ZNF503: variants seen among roughly 807,000 people sequenced by gnomAD.
The protein encoded by ZNF503 is zinc finger protein 503, also known as NocA-like zinc finger 2.
Under a neutral mutation model 34.4 loss-of-function variants are expected in ZNF503, and 15 were observed. That is an observed-to-expected ratio of 0.44 (90% CI 0.29 to 0.67). The LOEUF (loss-of-function observed/expected upper bound fraction) is 0.67. Among genes scored for constraint, ZNF503 ranks in the 30% least tolerant of loss-of-function variants. The pLI, the probability that ZNF503 is intolerant of heterozygous loss-of-function variation, is 0.13. For synonymous variants in ZNF503, 580 were observed against 456.8 expected, an observed-to-expected ratio of 1.27 and a Z score of -3.44; for missense variants, 1,007 against 926.8, an observed-to-expected ratio of 1.09 and a Z score of -1.12.
the ZNF503 span, among the ~76,000 whole-genome samples, chr10:75,384,781 G>A: frequency 1.3e-5 from 2 of 152,182 alleles, no homozygotes; most frequent in Non-Finnish European, 1.5e-5. Flanking sequence ...TCTTGAGCCA[G>A]TTTTCCTCTG....
the ZNF503 span, among the ~76,000 whole-genome samples, chr10:75,332,287 T>TATGAAATATGGAACACATA: frequency 2.0e-5 from 3 of 152,098 alleles, no homozygotes; most frequent in African/African-American, 7.2e-5. Context: ...ATGTTATGCC[T>TATGAAATATGGAACACATA]TTTCACTGTG....
At chr10:75,338,734 T>C in the ZNF503 span, among the ~76,000 whole-genome samples, 1 of 152,102 alleles carries the variant, frequency 6.6e-6, no homozygotes, top group Admixed American at 6.6e-5. Flanking sequence ...AAGGAAATAA[T>C]GGAAGGTGTC....
rs1438311947 is a variant in ZNF503, at chr10:75,398,025, TC to T, written c.*723del. ...GTTTTGGAATAGAATTTTTTCTTTT[TC>T]TTTTTTTTTTTGTTGTTTTCTTCCA... On this transcript the variant is annotated 3_prime_UTR_variant, in exon 2 of 2. Coordinates refer to ENST00000372524, the MANE Select transcript of ZNF503 (RefSeq NM_032772.6). The T allele has an allele frequency of 2.0e-5, 3 of 149,392 alleles. No individual in the cohort carries two copies. The highest frequency in any genetic ancestry group is 2.9e-5 in the Non-Finnish European group (2 of 67,976). The allele number at this position is 149,392 out of a possible 1,614,324, so 9.3% of individuals were successfully genotyped here.
the ZNF503 span, among the ~76,000 whole-genome samples, chr10:75,280,668 G>A: frequency 2.6e-5 from 4 of 152,012 alleles, no homozygotes; most frequent in Admixed American, 2.6e-4. Context: ...CCCATGCTAG[G>A]TTCTGGAGAT....
the ZNF503 span, among the ~76,000 whole-genome samples, chr10:75,337,623 GA>G: frequency 6.0e-5 from 9 of 150,576 alleles, no homozygotes; most frequent in Non-Finnish European, 1.2e-4. Flanking sequence ...GTCTCCAAAA[GA>G]AAAAAAAATT....
chr10:75,360,179 G>T, the ZNF503 span, among the ~76,000 whole-genome samples: 1 of 144,232 alleles, frequency 6.9e-6, no homozygotes, highest in African/African-American at 2.6e-5. Context: ...GGAGTGCAGT[G>T]GCTCGATCTC....
chr10:75,376,168 A>C, the ZNF503 span, among the ~76,000 whole-genome samples: 2 of 152,182 alleles, frequency 1.3e-5, no homozygotes, highest in Non-Finnish European at 1.5e-5. Context: ...AAGGCCTCAG[A>C]GATGTGGAAG....
At chr10:75,347,408 A>G in the ZNF503 span, among the ~76,000 whole-genome samples, 369 of 152,350 alleles carry the variant, frequency 2.4e-3, 2 homozygotes, top group Admixed American at 6.2e-3. Flanking sequence ...AGAACGCGGA[A>G]GCCCGAGAAG....
At chr10:75,350,889 G>A in the ZNF503 span, among the ~76,000 whole-genome samples, 12 of 152,194 alleles carry the variant, frequency 7.9e-5, no homozygotes, top group Admixed American at 5.2e-4. Flanking sequence ...AATATCACAC[G>A]TAAGGTGTCT....
chr10:75,401,307 C>A lies in ZNF503; in HGVS notation c.113G>T (p.Gly38Val). The change falls in exon 1 of 2, where the codon GGA (glycine) becomes GTA (valine). Residue 38 changes from glycine to valine, a missense_variant. By Grantham distance (109) the Gly-to-Val change is moderately radical. Transcript: ENST00000372524. ...GCCTGGGCCGGGGCCGGAGCTATTT[C>A]CAGAGAGCGCGCTGGTCCAGGCAGG... ...ADPAWTSALS[G>V]NSSGPGPGSS... 1.9e-6 allele frequency: 3 copies of A among 1,553,566 alleles called. No individual in the cohort carries two copies. The South Asian group carries it at 3.5e-5, about 18-fold the overall frequency.
At chr10:75,315,525 T>G in the ZNF503 span, among the ~76,000 whole-genome samples, 1 of 152,198 alleles carries the variant, frequency 6.6e-6, no homozygotes, top group Non-Finnish European at 1.5e-5. Context: ...TAACATAAAC[T>G]GTAATAGCTA....
At chr10:75,335,329 A>G in the ZNF503 span, among the ~76,000 whole-genome samples, 1 of 152,198 alleles carries the variant, frequency 6.6e-6, no homozygotes, top group Non-Finnish European at 1.5e-5. Flanking sequence ...TTTCCATTGT[A>G]TAATTTCAGT....
chr10:75,364,286 C>G, the ZNF503 span, among the ~76,000 whole-genome samples: 2 of 152,136 alleles, frequency 1.3e-5, no homozygotes, highest in Non-Finnish European at 2.9e-5. Flanking sequence ...CTCTAGGAAG[C>G]CTCTTCTGAC....
At chr10:75,318,400 G>A in the ZNF503 span, among the ~76,000 whole-genome samples, 30 of 152,194 alleles carry the variant, frequency 2.0e-4, no homozygotes, top group African/African-American at 7.0e-4. Flanking sequence ...GCCAGGCATG[G>A]TGGCTCACAC....
At chr10:75,382,163 A>G in the ZNF503 span, among the ~76,000 whole-genome samples, 1 of 152,104 alleles carries the variant, frequency 6.6e-6, no homozygotes, top group East Asian at 1.9e-4. Context: ...CCATGAGCCA[A>G]AATGGTGGTA....
chr10:75,287,436 A>G, the ZNF503 span, among the ~76,000 whole-genome samples: 1 of 151,722 alleles, frequency 6.6e-6, no homozygotes, highest in Admixed American at 6.6e-5. Flanking sequence ...CCTGCTCCCC[A>G]TCCTTTCCTG....
rs1369306244 is a variant in ZNF503, at chr10:75,401,451, G to T, written c.-32C>A. On this transcript the variant is annotated 5_prime_UTR_variant, in exon 1 of 2. Transcript: ENST00000372524. The stretch of plus-strand genomic sequence containing the variant: ...CCCGCGCGCATGGGAGCAGCGGGGG[G>T]GAGGGCTCCGGGAGGCGCGGGGCGG... The T allele has an allele frequency of 2.0e-6, 3 of 1,519,414 alleles. No individual in the cohort carries two copies. Among genetic ancestry groups the T allele is most frequent in the Non-Finnish European group, 2.6e-6 (3 of 1,140,504 alleles). The allele number at this position is 1,519,414 out of a possible 1,614,324, so 94.1% of individuals were successfully genotyped here. A position where few individuals can be genotyped will look rare whatever the true frequency, so the allele number is the denominator to read the frequency against.
the ZNF503 span, among the ~76,000 whole-genome samples, chr10:75,340,155 G>C: frequency 6.8e-6 from 1 of 146,642 alleles, no homozygotes; most frequent in Non-Finnish European, 1.5e-5. Flanking sequence ...GGTGGTGGGG[G>C]CCGGGGGGAG....
the ZNF503 span, among the ~76,000 whole-genome samples, chr10:75,327,345 C>T: frequency 6.8e-6 from 1 of 148,084 alleles, no homozygotes; most frequent in East Asian, 2.1e-4. Flanking sequence ...TGAGTGAAAA[C>T]ATTTAGTATT....
Sources: gnomAD v4.1 joint callset for allele counts (sites outside exome capture counted in the v4.1 genomes callset) on GRCh38, gnomAD v4.1.1 for gene constraint, MANE v1.5 for transcripts, NCBI Gene and HGNC (gene_info 2026-07-23, HGNC 2026-07-21) for gene names.